MAML3: variants seen among roughly 807,000 people sequenced by gnomAD.
The protein encoded by MAML3 is mastermind like transcriptional coactivator 3.
A neutral mutation model predicts 101.9 loss-of-function variants in MAML3; 27 were observed. That is an observed-to-expected ratio of 0.27 (90% CI 0.20 to 0.37). The LOEUF (loss-of-function observed/expected upper bound fraction) is 0.37. MAML3 is among the 10% of genes least tolerant of loss of function. MAML3 has a pLI of 1.00. For missense variants in MAML3, 1,316 were observed against 1,444.9 expected (o/e 0.91, Z 1.45); for synonymous variants, 501 against 555.9 (o/e 0.90, Z 1.39).
At chr4:139,915,660 T>C (rs1023288000) in intron 1 of MAML3, among the ~76,000 whole-genome samples, 1 of 152,136 alleles carries the variant, frequency 6.6e-6, no homozygotes, top group Admixed American at 6.5e-5. Flanking sequence ...GCATCCAGTA[T>C]CCCTTGTAAG....
intron 1 of MAML3, among the ~76,000 whole-genome samples, chr4:139,965,697 T>C (rs1734116990): frequency 6.6e-6 from 1 of 152,268 alleles, no homozygotes. Context: ...AGATTCTTTA[T>C]TAAACTGTGT....
chr4:139,765,408 A>G (rs1000214234), intron 2 of MAML3, among the ~76,000 whole-genome samples: 4 of 152,246 alleles, frequency 2.6e-5, no homozygotes, highest in Admixed American at 6.5e-5. Context: ...AGGAACTGCA[A>G]TTAGGGTTTT....
At chr4:139,981,360 G>A (rs1298397917) in intron 1 of MAML3, among the ~76,000 whole-genome samples, 3 of 152,154 alleles carry the variant, frequency 2.0e-5, no homozygotes, top group Non-Finnish European at 4.4e-5. Flanking sequence ...TCTATTCTGA[G>A]GTACTAGGGC....
intron 1 of MAML3, among the ~76,000 whole-genome samples, chr4:139,916,609 A>G (rs899633791): frequency 1.6e-4 from 24 of 152,214 alleles, no homozygotes; most frequent in Admixed American, 1.6e-3. Flanking sequence ...TCAGCACTTA[A>G]AAGTCGAGAG....
At chr4:139,917,213 G>T (rs1033783345) in intron 1 of MAML3, among the ~76,000 whole-genome samples, 4 of 152,186 alleles carry the variant, frequency 2.6e-5, no homozygotes, top group Non-Finnish European at 5.9e-5. Flanking sequence ...GTAAAGTCTT[G>T]CATTTAAGGC....
At chr4:139,767,318 T>C (rs909171131) in intron 2 of MAML3, among the ~76,000 whole-genome samples, 1 of 152,214 alleles carries the variant, frequency 6.6e-6, no homozygotes, top group Admixed American at 6.5e-5. Flanking sequence ...GAGGGCCACA[T>C]ACCAAACCAC....
chr4:139,836,230 C>T (rs1731253561), intron 2 of MAML3, among the ~76,000 whole-genome samples: 1 of 152,202 alleles, frequency 6.6e-6, no homozygotes, highest in Admixed American at 6.5e-5. Context: ...GGTAAATTCA[C>T]ACAGGACCCC....
intron 1 of MAML3, among the ~76,000 whole-genome samples, chr4:139,951,506 C>T (rs965955058): frequency 2.0e-5 from 3 of 152,176 alleles, no homozygotes; most frequent in Non-Finnish European, 4.4e-5. Context: ...CTGCTGTTTC[C>T]CTGCCATCAC....
chr4:139,967,940 T>C (rs969013915), intron 1 of MAML3, among the ~76,000 whole-genome samples: 2 of 144,438 alleles, frequency 1.4e-5, no homozygotes, highest in Non-Finnish European at 3.0e-5. Flanking sequence ...CTCAAGAATC[T>C]GTGAAAAGTG....
chr4:139,759,662 A>G (rs1386625595), intron 2 of MAML3, among the ~76,000 whole-genome samples: 1 of 152,162 alleles, frequency 6.6e-6, no homozygotes, highest in East Asian at 1.9e-4. Context: ...TTCTTTACCT[A>G]TTTTGATTTT....
At chr4:140,148,624 C>G (rs1319714573) in intron 1 of MAML3, among the ~76,000 whole-genome samples, 1 of 151,930 alleles carries the variant, frequency 6.6e-6, no homozygotes, top group South Asian at 2.1e-4. Context: ...TACGAGCTTG[C>G]CAAAAAAATT....
intron 2 of MAML3, among the ~76,000 whole-genome samples, chr4:139,826,046 G>A (rs1191716883): frequency 6.6e-6 from 1 of 152,130 alleles, no homozygotes; most frequent in Non-Finnish European, 1.5e-5. Context: ...GGGGGTATCT[G>A]TCGTGGATCT....
intron 1 of MAML3, among the ~76,000 whole-genome samples, chr4:139,960,479 A>C (rs1733992051): frequency 6.6e-6 from 1 of 152,194 alleles, no homozygotes; most frequent in African/African-American, 2.4e-5. Context: ...AAAGCTTCAC[A>C]GAAAGAGATG....
chr4:139,943,863 A>AATTTTTTTTTTTTTTTTTTTT (rs1560844242), intron 1 of MAML3, among the ~76,000 whole-genome samples: 1 of 75,626 alleles, frequency 1.3e-5, no homozygotes, highest in Non-Finnish European at 2.6e-5. Context: ...CCTAAAGACA[A>AATTTTTTTTTTTTTTTTTTTT]CTTTTTTTTT....
chr4:139,841,507 C>T (rs1018376783), intron 2 of MAML3, among the ~76,000 whole-genome samples: 1 of 152,244 alleles, frequency 6.6e-6, no homozygotes, highest in Non-Finnish European at 1.5e-5. Context: ...GAGAATCCCA[C>T]CAGATGCTGC....
chr4:139,996,342 A>C lies in MAML3; in HGVS notation c.469-105375T>G, dbSNP rs77138455. The stretch of plus-strand genomic sequence containing the variant: ...CCCTGCTTTCTAGTTATCCTATCAA[A>C]TAGTGAGAGTGGGGTATTGAAATCT... On this transcript the variant is annotated intron_variant, in intron 1 of 4. Transcript: ENST00000509479. 6.6e-3 allele frequency among the ~76,000 whole-genome samples: 998 copies of C among 152,304 alleles called. 13 individuals are homozygous for C. The highest frequency in any genetic ancestry group is 0.023 in the African/African-American group (951 of 41,576).
At chr4:140,125,756 C>A (rs372676585) in intron 1 of MAML3, among the ~76,000 whole-genome samples, 37 of 152,134 alleles carry the variant, frequency 2.4e-4, no homozygotes, top group African/African-American at 8.4e-4. Context: ...CAGTGCCCAG[C>A]CATAAGGTAC....
intron 1 of MAML3, among the ~76,000 whole-genome samples, chr4:140,072,478 C>G (rs1391790507): frequency 1.3e-5 from 2 of 152,002 alleles, no homozygotes; most frequent in Admixed American, 6.6e-5. Context: ...CAAGACCACC[C>G]TGACCAACAT....
rs768759700 is a variant in MAML3 at position 139,889,574 on chromosome 4, G to A, written c.1862C>T (p.Ala621Val). ...CATCAAGGGGTTTTTGTTGGGGTTG[G>A]CCACTGGTGGTGTCATCCTCTGACT... ...DLSQRMTPPVANPNKNPLMPY... is the reference protein window; with the variant it reads ...DLSQRMTPPVVNPNKNPLMPY... Residue 621 changes from alanine to valine, a missense_variant, in exon 2 of 5, where the codon GCC becomes GTC. By Grantham distance (64) the Ala-to-Val change is moderately conservative. Coordinates refer to ENST00000509479, the MANE Select transcript of MAML3 (RefSeq NM_018717.5). 1 of 1,613,642 alleles carries A rather than the reference G, an allele frequency of 6.2e-7. No individual in the cohort carries two copies. The highest frequency in any genetic ancestry group is 8.5e-7 in the Non-Finnish European group (1 of 1,179,826).
Sources: allele counts gnomAD v4.1 joint callset (sites outside exome capture counted in the v4.1 genomes callset), GRCh38; gene constraint gnomAD v4.1.1; transcripts MANE v1.5; gene names NCBI Gene and HGNC (gene_info 2026-07-23, HGNC 2026-07-21).